Variants in STARD9 observed in about 807,000 individuals in gnomAD.
STARD9 encodes stAR-related lipid transfer protein 9.
In STARD9, 346 loss-of-function variants were observed where a neutral mutation model predicts 399.8. That is an observed-to-expected ratio of 0.87 (90% CI 0.79 to 0.95). The LOEUF is 0.95. Ranked by LOEUF, STARD9 falls within the 40% of genes least tolerant of loss-of-function variation. The pLI is 0.00. For synonymous variants in STARD9, 2,203 were observed against 2,143.5 expected (o/e 1.03, Z -0.77); for missense variants, 5,832 against 5,667.5 (o/e 1.03, Z -0.93).
At position 42,624,631 on chromosome 15, in the gene STARD9, C is replaced by T. The variant is rs745627607; in HGVS notation, c.235-10225C>T. ...TGACGCAATCTTGGCTCGCTGCAAC[C>T]TCCGCCTCCCAGGTTCAAGTGATTC... is the stretch of plus-strand genomic sequence containing the variant. On this transcript the variant is annotated intron_variant, in intron 3 of 32. Coordinates refer to ENST00000290607, the MANE Select transcript of STARD9 (RefSeq NM_020759.3). Among the ~76,000 whole-genome samples the T allele has an allele frequency of 2.0e-5, 3 of 152,078 alleles. No homozygotes were observed. The South Asian group carries it at 6.2e-4, about 32-fold the overall frequency.
Position 42,691,275 on chromosome 15 carries a change from C to T in STARD9, c.9697C>T (p.Leu3233Phe), listed in dbSNP as rs1287002443. ...AGGCTTCGCCCAGGGTGTGAATCCC[C>T]TTCCTGATGAAGATGGCTTAGATGG... ...GEGFAQGVNP[L>F]PDEDGLDGCQ... is the part of the protein sequence containing the mutation. The change falls in exon 23 of 33, where the codon CTT becomes TTT. Residue 3233 changes from leucine (L) to phenylalanine (F), a missense_variant. Transcript: ENST00000290607. The T allele has an allele frequency of 2.0e-6, 3 of 1,537,142 alleles. No homozygotes were observed. Among genetic ancestry groups the T allele is most frequent in the African/African-American group, 2.7e-5 (2 of 73,048 alleles).
At chr15:42,638,145 C>T in intron 6 of STARD9, 58 bp downstream of exon 6, 2 of 1,433,156 alleles carry the variant, frequency 1.4e-6, no homozygotes, top group Non-Finnish European at 1.9e-6. Context: ...CCAAATTCTA[C>T]CATGTTCAGC....
chr15:42,697,401 T>G (rs748384434), intron 26 of STARD9, among the ~76,000 whole-genome samples: 67 of 152,314 alleles, frequency 4.4e-4, no homozygotes, highest in Non-Finnish European at 8.8e-4. Flanking sequence ...ATGCCTGGCC[T>G]TCTTTTTAAC....
intron 26 of STARD9, among the ~76,000 whole-genome samples, chr15:42,715,051 T>C (rs1374145083): frequency 1.3e-5 from 2 of 149,346 alleles, no homozygotes; most frequent in Non-Finnish European, 1.5e-5. Flanking sequence ...AATCCCAAAA[T>C]GTCAACAGTT....
chr15:42,657,423 G>C (rs1362058982), intron 9 of STARD9, among the ~76,000 whole-genome samples: 1 of 151,198 alleles, frequency 6.6e-6, no homozygotes, highest in East Asian at 1.9e-4. Flanking sequence ...AATGATAAAG[G>C]GTCAGTCAGT....
chr15:42,705,974 A>G (rs1467014941), intron 26 of STARD9, among the ~76,000 whole-genome samples: 3 of 151,742 alleles, frequency 2.0e-5, no homozygotes, highest in African/African-American at 7.3e-5. Flanking sequence ...GCTTTTCTCA[A>G]ACTCCTAACC....
At chr15:42,626,626 G>C (rs1488102578) in intron 3 of STARD9, among the ~76,000 whole-genome samples, 2 of 150,800 alleles carry the variant, frequency 1.3e-5, no homozygotes, top group Admixed American at 6.6e-5. Context: ...TCAGCCTCCT[G>C]AGTAGCTGGG....
chr15:42,713,970 T>G (rs1297688264), intron 26 of STARD9, among the ~76,000 whole-genome samples: 1 of 152,164 alleles, frequency 6.6e-6, no homozygotes, highest in Non-Finnish European at 1.5e-5. Context: ...CCTTAAACGT[T>G]TGGTAGATTT....
At chr15:42,579,828 C>T (rs1186202401) in intron 1 of STARD9, among the ~76,000 whole-genome samples, 1 of 152,114 alleles carries the variant, frequency 6.6e-6, no homozygotes, top group African/African-American at 2.4e-5. Context: ...AAAATGACTA[C>T]TGAGACTGGG....
intron 7 of STARD9, among the ~76,000 whole-genome samples, chr15:42,650,734 G>C (rs1212232171): frequency 6.6e-6 from 1 of 152,196 alleles, no homozygotes; most frequent in Non-Finnish European, 1.5e-5. Flanking sequence ...TAGCAGAACT[G>C]TAAGGAATTA....
intron 7 of STARD9, among the ~76,000 whole-genome samples, chr15:42,642,808 T>A (rs1278120395): frequency 6.6e-6 from 1 of 152,128 alleles, no homozygotes; most frequent in East Asian, 1.9e-4. Flanking sequence ...TGGTGGTGTT[T>A]TTGTTTTTGG....
intron 20 of STARD9, among the ~76,000 whole-genome samples, chr15:42,676,802 A>G (rs1012423518): frequency 2.6e-5 from 4 of 152,118 alleles, no homozygotes; most frequent in Non-Finnish European, 5.9e-5. Context: ...GAGGCTGCCA[A>G]ACACCTTGAG....
intron 7 of STARD9, among the ~76,000 whole-genome samples, chr15:42,646,936 A>G (rs1363504095): frequency 6.6e-6 from 1 of 152,184 alleles, no homozygotes; most frequent in Non-Finnish European, 1.5e-5. Flanking sequence ...CTCAGGGAAT[A>G]GGGAGGCCTG....
chr15:42,607,194 C>CTTTTTTTT lies in STARD9; in HGVS notation c.234+21576_234+21583dup, dbSNP rs763484090. 1.6e-3 allele frequency among the ~76,000 whole-genome samples: 61 copies of CTTTTTTTT among 39,266 alleles called. 23 individuals carry two copies. The highest frequency in any genetic ancestry group is 3.3e-3 in the East Asian group (3 of 922). The allele number at this position is 39,266 out of a possible 152,430, so 25.8% of individuals were successfully genotyped here. Reference sequence around the variant, plus strand: ...AGCACAACCCTGCATTTTTCTGGTGCTTTTTTTTTTTTTTTTTTTTTTTTT... The same window carrying CTTTTTTTT: ...AGCACAACCCTGCATTTTTCTGGTGCTTTTTTTTTTTTTTTTTTTTTTTTTTTTTTTTT... On this transcript the variant is annotated intron_variant, in intron 3 of 32. Transcript: ENST00000290607.
chr15:42,615,642 C>A lies in STARD9; in HGVS notation c.235-19214C>A, dbSNP rs2058947941. 2.0e-5 allele frequency among the ~76,000 whole-genome samples: 3 copies of A among 149,640 alleles called. No individual in the cohort carries two copies. The South Asian group carries it at 6.3e-4, about 32-fold the overall frequency. ...ACTATGGGAGGAACAAGAAAGGATG[C>A]CTGATGTTAACATGTTATCTGGGAG... On this transcript the variant is annotated intron_variant, in intron 3 of 32. Coordinates refer to ENST00000290607, the MANE Select transcript of STARD9 (RefSeq NM_020759.3).
At chr15:42,611,917 A>G (rs937181133) in intron 3 of STARD9, among the ~76,000 whole-genome samples, 1 of 152,196 alleles carries the variant, frequency 6.6e-6, no homozygotes, top group Non-Finnish European at 1.5e-5. Context: ...TCTCCTGTCA[A>G]GAACTCCCCA....
intron 3 of STARD9, among the ~76,000 whole-genome samples, chr15:42,603,006 A>G (rs2058659581): frequency 6.6e-6 from 1 of 152,112 alleles, no homozygotes; most frequent in South Asian, 2.1e-4. Context: ...CCTTGCTGCT[A>G]CTTGCTGCTC....
intron 26 of STARD9, among the ~76,000 whole-genome samples, chr15:42,698,412 G>A (rs1043906240): frequency 6.6e-6 from 1 of 152,074 alleles, no homozygotes; most frequent in African/African-American, 2.4e-5. Context: ...TTTAGATTTT[G>A]TGTTGAAAAT....
intron 18 of STARD9, chr15:42,675,356 T>C (rs1037725011): frequency 8.9e-6 from 4 of 449,214 alleles, no homozygotes; most frequent in Admixed American, 4.0e-5. Flanking sequence ...GCTACTGTTA[T>C]TAATCTATGC....
Sources: gnomAD v4.1 joint callset for allele counts (sites outside exome capture counted in the v4.1 genomes callset) on GRCh38, gnomAD v4.1.1 for gene constraint, MANE v1.5 for transcripts, NCBI Gene and HGNC (gene_info 2026-07-23, HGNC 2026-07-21) for gene names.